BZW2: variants seen among roughly 807,000 people sequenced by gnomAD.
BZW2 encodes the protein eIF5-mimic protein 1.
BZW2 carries 23 observed loss-of-function variants against 53.2 expected under a neutral mutation model. That is an observed-to-expected ratio of 0.43 (90% CI 0.31 to 0.61). BZW2 has a LOEUF of 0.61. BZW2 is among the 20% of genes least tolerant of loss of function. The pLI is 0.09. For missense variants in BZW2, 409 were observed against 503.1 expected, an observed-to-expected ratio of 0.81 and a Z score of 1.79; for synonymous variants, 227 against 186.4, an observed-to-expected ratio of 1.22 and a Z score of -1.77.
At chr7:16,669,704 G>A (rs1384404508) in intron 2 of BZW2, among the ~76,000 whole-genome samples, 1 of 152,188 alleles carries the variant, frequency 6.6e-6, no homozygotes, top group Non-Finnish European at 1.5e-5. Context: ...CAGTAAGCAA[G>A]TTAGGTAATG....
intron 10 of BZW2, among the ~76,000 whole-genome samples, chr7:16,700,096 T>G (rs1441292836): frequency 6.6e-6 from 1 of 152,232 alleles, no homozygotes; most frequent in African/African-American, 2.4e-5. Context: ...CTGCCTTAGT[T>G]ATTTTTGGAA....
chr7:16,687,009 A>T (rs888278653), intron 6 of BZW2: 10 of 149,316 alleles, frequency 6.7e-5, no homozygotes, highest in Non-Finnish European at 2.9e-5. Context: ...CATTTTGCAC[A>T]CAGAAAGTCA....
intron 1 of BZW2, chr7:16,661,348 C>T (rs1379830031): frequency 6.6e-6 from 1 of 152,008 alleles, no homozygotes. Context: ...GGTGCTAATC[C>T]ACTTAAGGTG....
intron 3 of BZW2, among the ~76,000 whole-genome samples, chr7:16,678,980 C>A (rs1782854924): frequency 6.6e-6 from 1 of 152,070 alleles, no homozygotes; most frequent in Non-Finnish European, 1.5e-5. Flanking sequence ...AGCAAGATCA[C>A]AAGGCCAGGG....
At chr7:16,664,059 C>A (rs771648640) in intron 1 of BZW2, among the ~76,000 whole-genome samples, 1 of 152,178 alleles carries the variant, frequency 6.6e-6, no homozygotes, top group South Asian at 2.1e-4. Flanking sequence ...CTCCTTTTAA[C>A]CAAGTACTTT....
intron 3 of BZW2, among the ~76,000 whole-genome samples, chr7:16,678,674 A>G (rs1380037372): frequency 2.0e-5 from 3 of 152,240 alleles, no homozygotes; most frequent in Non-Finnish European, 4.4e-5. Flanking sequence ...CAGAGTTTTT[A>G]GAAGATCATT....
At chr7:16,658,647 T>G (rs1298749830) in intron 1 of BZW2, among the ~76,000 whole-genome samples, 6 of 151,788 alleles carry the variant, frequency 4.0e-5, no homozygotes. Flanking sequence ...GAGGCCGGGG[T>G]GGGCAGATCA....
intron 3 of BZW2, among the ~76,000 whole-genome samples, chr7:16,675,684 T>C (rs1054116124): frequency 6.6e-6 from 1 of 152,226 alleles, no homozygotes; most frequent in African/African-American, 2.4e-5. Context: ...ACATTATGAC[T>C]GTAAATAATT....
intron 1 of BZW2, among the ~76,000 whole-genome samples, chr7:16,663,242 C>T (rs17625938): frequency 0.26 from 39,561 of 151,992 alleles, 5,550 homozygotes; most frequent in Non-Finnish European, 0.31. Flanking sequence ...TTACTTTATT[C>T]TTACACTGGT....
intron 3 of BZW2, among the ~76,000 whole-genome samples, chr7:16,676,018 T>A (rs1035225996): frequency 3.9e-5 from 6 of 151,938 alleles, no homozygotes; most frequent in African/African-American, 1.5e-4. Context: ...AAGGCAGAGG[T>A]TACAGTGAGC....
intron 2 of BZW2, among the ~76,000 whole-genome samples, chr7:16,668,534 A>C (rs1782501670): frequency 6.6e-6 from 1 of 152,162 alleles, no homozygotes; most frequent in Non-Finnish European, 1.5e-5. Flanking sequence ...TTAGTAGTGA[A>C]ACGCCTCCTG....
chr7:16,681,578 C>G (rs961829910), intron 4 of BZW2, among the ~76,000 whole-genome samples, 174 bp downstream of exon 4: 7 of 152,196 alleles, frequency 4.6e-5, no homozygotes, highest in Admixed American at 3.9e-4. Context: ...AGCCTATAAT[C>G]CCAGCGCTTT....
chr7:16,692,816 T>C (rs985694868), intron 7 of BZW2, among the ~76,000 whole-genome samples: 2 of 152,152 alleles, frequency 1.3e-5, no homozygotes, highest in African/African-American at 4.8e-5. Context: ...CTTCCAAATG[T>C]GGGCTGTAAC....
chr7:16,683,917 T>A (rs1783035016), intron 5 of BZW2, among the ~76,000 whole-genome samples: 1 of 152,072 alleles, frequency 6.6e-6, no homozygotes, highest in African/African-American at 2.4e-5. Context: ...CTGTGTATAA[T>A]ATTGAAGAGC....
intron 1 of BZW2, among the ~76,000 whole-genome samples, chr7:16,647,336 G>A (rs1305904809): frequency 6.6e-6 from 1 of 152,162 alleles, no homozygotes; most frequent in Non-Finnish European, 1.5e-5. Flanking sequence ...GGTGGTTTTT[G>A]TTAAGCATCC....
intron 9 of BZW2, among the ~76,000 whole-genome samples, chr7:16,697,808 T>C (rs1464967151): frequency 6.6e-6 from 1 of 152,210 alleles, no homozygotes; most frequent in Non-Finnish European, 1.5e-5. Flanking sequence ...TATTGGACTG[T>C]GGCTCTGCCA....
At chr7:16,648,764 C>A (rs1781924490) in intron 1 of BZW2, among the ~76,000 whole-genome samples, 1 of 152,122 alleles carries the variant, frequency 6.6e-6, no homozygotes, top group Non-Finnish European at 1.5e-5. Flanking sequence ...TAATTTCCAC[C>A]CCTTTGTTCC....
intron 10 of BZW2, among the ~76,000 whole-genome samples, chr7:16,702,011 A>G (rs930813656): frequency 6.6e-6 from 1 of 152,214 alleles, no homozygotes; most frequent in African/African-American, 2.4e-5. Flanking sequence ...GAAGTTGGCC[A>G]GATAGAAGGG....
In BZW2 at chr7:16,668,949, T is replaced by C. The variant is rs1193142885; in HGVS notation, c.58+3448T>C. Among the ~76,000 whole-genome samples the C allele has an allele frequency of 2.6e-5, 4 of 152,196 alleles. No homozygotes were observed. In the East Asian group the frequency reaches 5.8e-4, roughly 22 times the overall value. On this transcript the variant is annotated intron_variant, in intron 2 of 11. Coordinates refer to ENST00000258761, the MANE Select transcript of BZW2 (RefSeq NM_014038.3). ...AGATGAAAATTTCTCCCATGAGCAA[T>C]TGGATTATGCTTTGCTAAATGAAAC...
Sources: gnomAD v4.1 joint callset for allele counts (sites outside exome capture counted in the v4.1 genomes callset) on GRCh38, gnomAD v4.1.1 for gene constraint, MANE v1.5 for transcripts, NCBI Gene and HGNC (gene_info 2026-07-23, HGNC 2026-07-21) for gene names.